TAFA2: variants seen among roughly 807,000 people sequenced by gnomAD.
TAFA2 encodes the protein TAFA chemokine like family member 2, also known as chemokine-like protein TAFA-2.
TAFA2 carries 7 observed loss-of-function variants against 18.8 expected under a neutral mutation model. That is an observed-to-expected ratio of 0.37 (90% confidence interval 0.21 to 0.70). The LOEUF is 0.70. Ranked by LOEUF, TAFA2 falls within the 30% of genes least tolerant of loss-of-function variation. TAFA2 has a pLI of 0.53. For missense variants in TAFA2, 122 were observed against 158.1 expected (o/e 0.77, Z 1.23); for synonymous variants, 60 against 54.2 (o/e 1.11, Z -0.47).
At chr12:61,988,288 T>C (rs1379277208) in intron 1 of TAFA2, among the ~76,000 whole-genome samples, 1 of 152,116 alleles carries the variant, frequency 6.6e-6, no homozygotes, top group Non-Finnish European at 1.5e-5. Flanking sequence ...AAGCAGTAGA[T>C]AGTAAAACAG....
In TAFA2 at chr12:62,216,975, A is replaced by G. The variant is rs181403346; in HGVS notation, c.-130+41788T>C. 3.5e-3 allele frequency among the ~76,000 whole-genome samples: 533 copies of G among 152,326 alleles called. 5 individuals carry two copies. Among genetic ancestry groups the G allele is most frequent in the Non-Finnish European group, 4.6e-3 (311 of 68,026 alleles). On this transcript the variant is annotated intron_variant, in intron 1 of 5. Transcript: ENST00000551619. ...CAGGGAAATGCCATGTAGGTAGTAT[A>G]TGGGAGTCCAGTGATCTGGTACAAG...
At chr12:61,910,373 G>A (rs1176145005) in intron 1 of TAFA2, among the ~76,000 whole-genome samples, 3 of 152,202 alleles carry the variant, frequency 2.0e-5, no homozygotes, top group Middle Eastern at 3.4e-3. Flanking sequence ...AAAAACTGAT[G>A]GAATGAGACA....
intron 1 of TAFA2, among the ~76,000 whole-genome samples, chr12:62,181,271 T>C (rs1238735852): frequency 6.6e-6 from 1 of 152,140 alleles, no homozygotes; most frequent in Non-Finnish European, 1.5e-5. Context: ...ACTCTATCAA[T>C]TTGTAACTAT....
In TAFA2 at chr12:62,092,672, A is replaced by G. The variant is rs186018094; in HGVS notation, c.-2+98587T>C. ...TCTAGAAAAGGATTTGAAATATGGT[A>G]TATGTCCAATATGTATTTTGTGAAT... On this transcript the variant is annotated intron_variant, in intron 1 of 4. Coordinates refer to ENST00000416284, the MANE Select transcript of TAFA2 (RefSeq NM_178539.5). 4.7e-4 allele frequency among the ~76,000 whole-genome samples: 71 copies of G among 152,160 alleles called. 1 individual carries two copies. In the East Asian group the frequency reaches 5.4e-3, roughly 12 times the overall value.
chr12:61,886,642 T>G (rs771264342), intron 1 of TAFA2, among the ~76,000 whole-genome samples: 1 of 152,226 alleles, frequency 6.6e-6, no homozygotes, highest in Non-Finnish European at 1.5e-5. Flanking sequence ...GGTCCACATC[T>G]GTGTCCACTT....
chr12:61,923,203 G>C (rs997817165), intron 1 of TAFA2, among the ~76,000 whole-genome samples: 2 of 152,226 alleles, frequency 1.3e-5, no homozygotes, highest in Non-Finnish European at 2.9e-5. Flanking sequence ...GCTCTAAAGA[G>C]AGCAGTAGAT....
chr12:62,259,314 C>T (rs1013075462), upstream of TAFA2, among the ~76,000 whole-genome samples: 4 of 152,130 alleles, frequency 2.6e-5, no homozygotes, highest in Non-Finnish European at 4.4e-5. Context: ...TTTACATGTC[C>T]ATCAGTACTG....
intron 1 of TAFA2, among the ~76,000 whole-genome samples, chr12:62,038,261 G>C (rs1399525643): frequency 6.6e-6 from 1 of 151,970 alleles, no homozygotes; most frequent in Non-Finnish European, 1.5e-5. Flanking sequence ...ACACAAAAAA[G>C]GTAACTGTGG....
intron 1 of TAFA2, among the ~76,000 whole-genome samples, chr12:62,214,351 C>T (rs923249589): frequency 6.6e-6 from 1 of 152,176 alleles, no homozygotes; most frequent in Admixed American, 6.5e-5. Context: ...AGTTCCCCTG[C>T]ACAAGCTCGC....
intron 1 of TAFA2, among the ~76,000 whole-genome samples, chr12:61,934,272 C>T (rs1877676000): frequency 1.3e-5 from 2 of 152,132 alleles, no homozygotes; most frequent in South Asian, 4.2e-4. Flanking sequence ...TAATACTTAT[C>T]AGAGAGAAGA....
Position 62,214,393 on chromosome 12 carries a change from T to C in TAFA2, c.-130+44370A>G, listed in dbSNP as rs565281990. Among the ~76,000 whole-genome samples, 3 of 152,282 alleles carry C rather than the reference T, an allele frequency of 2.0e-5. No individual in the cohort carries two copies. The East Asian group carries it at 5.8e-4, about 29-fold the overall frequency. On this transcript the variant is annotated intron_variant, in intron 1 of 5. Coordinates refer to the TAFA2 transcript ENST00000551619. ...TTTGCCTGCCACCACCCATTTAAGA[T>C]GTGACTTGCTCCTCCTTCCTTCTGC...
At position 62,251,460 on chromosome 12, in the gene TAFA2, T is replaced by G. The variant is rs147222469; in HGVS notation, c.-130+7303A>C. Among the ~76,000 whole-genome samples the G allele has an allele frequency of 1.2e-4, 19 of 152,234 alleles. 1 individual carries two copies. In the East Asian group the frequency reaches 3.5e-3, roughly 28 times the overall value. On this transcript the variant is annotated intron_variant, in intron 1 of 5. Coordinates refer to the TAFA2 transcript ENST00000551619. The stretch of plus-strand genomic sequence containing the variant: ...AAAAATGAAACTGTTTCTCAACATG[T>G]CCCCAGCTCAAAGAAAAAGTAAATT...
Position 61,870,982 on chromosome 12 carries a change from T to C in TAFA2, c.-1-3556A>G, listed in dbSNP as rs570392958. ...AGGATTCATCCAAAGTCCAGCTTAA[T>C]AGCTGGTAAATAAGTACTTATTGAA... On this transcript the variant is annotated intron_variant, in intron 1 of 4. Transcript: ENST00000416284. Among the ~76,000 whole-genome samples, 10 of 152,274 alleles carry C rather than the reference T, an allele frequency of 6.6e-5. No individual in the cohort carries two copies. In the East Asian group the frequency reaches 1.9e-3, roughly 29 times the overall value.
intron 1 of TAFA2, among the ~76,000 whole-genome samples, chr12:62,081,294 T>C (rs1362092472): frequency 6.6e-6 from 1 of 152,178 alleles, no homozygotes; most frequent in Non-Finnish European, 1.5e-5. Context: ...CTTTCATAAT[T>C]ATTGTCACAT....
intron 1 of TAFA2, among the ~76,000 whole-genome samples, chr12:62,068,253 A>T (rs188528244): frequency 6.6e-6 from 1 of 152,140 alleles, no homozygotes; most frequent in Admixed American, 6.6e-5. Context: ...TGAACTAGCT[A>T]TACAAAGTTA....
At chr12:61,754,851 A>C (rs748205211) in intron 3 of TAFA2, 21 bp downstream of exon 3, 26 of 1,610,780 alleles carry the variant, frequency 1.6e-5, no homozygotes, top group Non-Finnish European at 1.9e-5. Flanking sequence ...CTGTTACAAT[A>C]AGGAATGGAA....
intron 4 of TAFA2, among the ~76,000 whole-genome samples, chr12:61,731,581 G>A (rs74418111): frequency 0.014 from 1,989 of 143,442 alleles, 38 homozygotes; most frequent in African/African-American, 0.047. Context: ...TTTTACTTCC[G>A]CCTCTCAGAT....
intron 1 of TAFA2, among the ~76,000 whole-genome samples, chr12:62,085,815 G>A (rs1039572930): frequency 1.3e-5 from 2 of 152,156 alleles, no homozygotes; most frequent in East Asian, 1.9e-4. Flanking sequence ...CTAAACTCCT[G>A]TTGAATTGTA....
intron 2 of TAFA2, among the ~76,000 whole-genome samples, chr12:61,805,991 T>C (rs1238497890): frequency 1.3e-5 from 2 of 152,130 alleles, no homozygotes; most frequent in Non-Finnish European, 2.9e-5. Flanking sequence ...GAGAAAATAA[T>C]GGAAGGTAAC....
Sources: allele counts gnomAD v4.1 joint callset (sites outside exome capture counted in the v4.1 genomes callset), GRCh38; gene constraint gnomAD v4.1.1; transcripts MANE v1.5; gene names NCBI Gene and HGNC (gene_info 2026-07-23, HGNC 2026-07-21).